FSTL5: variants seen among roughly 807,000 people sequenced by gnomAD.
FSTL5 encodes the protein follistatin like 5, also known as follistatin-related protein 5.
In FSTL5, 62 loss-of-function variants were observed where a neutral mutation model predicts 89.1. The ratio of observed to expected loss-of-function variants is 0.70; its 90% CI spans 0.57 to 0.86. The LOEUF is 0.86. Ranked by LOEUF, FSTL5 falls within the 40% of genes least tolerant of loss-of-function variation. The pLI is 0.00. For synonymous variants in FSTL5, 383 were observed against 346.2 expected (o/e 1.11, Z -1.18); for missense variants, 1,057 against 1,001.6 (o/e 1.06, Z -0.75).
intron 2 of FSTL5, among the ~76,000 whole-genome samples, chr4:162,058,661 T>C (rs1738631509): frequency 1.3e-5 from 2 of 152,020 alleles, no homozygotes; most frequent in South Asian, 4.1e-4. Flanking sequence ...ACTTCTGACC[T>C]CAAGTGATAT....
chr4:161,980,764 C>CGTT (rs1735803526), intron 3 of FSTL5, among the ~76,000 whole-genome samples: 1 of 71,828 alleles, frequency 1.4e-5, no homozygotes, highest in East Asian at 4.9e-4. Context: ...CTTCAAGTAA[C>CGTT]TTTTTTTTTT....
chr4:161,597,590 G>C (rs1734065505), intron 7 of FSTL5, among the ~76,000 whole-genome samples: 1 of 151,642 alleles, frequency 6.6e-6, no homozygotes, highest in African/African-American at 2.4e-5. Flanking sequence ...TGACAAACCT[G>C]CACGTTGTGC....
intron 3 of FSTL5, among the ~76,000 whole-genome samples, chr4:161,948,485 CT>C (rs35577056): frequency 5.3e-5 from 6 of 114,102 alleles, no homozygotes; most frequent in East Asian, 5.0e-4. Context: ...TCTTTTCTTT[CT>C]TTTTTTTTTT....
At chr4:161,914,538 G>A (rs1193151448) in intron 4 of FSTL5, among the ~76,000 whole-genome samples, 1 of 151,992 alleles carries the variant, frequency 6.6e-6, no homozygotes, top group Non-Finnish European at 1.5e-5. Context: ...AAATTAACCT[G>A]CATAAATCAT....
At chr4:162,104,580 A>G (rs74923289) in intron 2 of FSTL5, among the ~76,000 whole-genome samples, 3,466 of 152,284 alleles carry the variant, frequency 0.023, 123 homozygotes, top group African/African-American at 0.077. Flanking sequence ...CTCGTGTAAC[A>G]TACTCTATGG....
At chr4:161,724,827 T>C (rs1294503558) in intron 6 of FSTL5, among the ~76,000 whole-genome samples, 1 of 152,194 alleles carries the variant, frequency 6.6e-6, no homozygotes, top group Admixed American at 6.5e-5. Flanking sequence ...AAGTACTCAA[T>C]GCAAAAATCA....
At chr4:161,596,247 T>C (rs887970072) in intron 7 of FSTL5, among the ~76,000 whole-genome samples, 1 of 151,818 alleles carries the variant, frequency 6.6e-6, no homozygotes, top group Non-Finnish European at 1.5e-5. Context: ...ATATGTTTAA[T>C]TTGGTAAATA....
At chr4:161,386,638 T>G (rs1303880325) in intron 15 of FSTL5, 189 bp from the exon 16 acceptor site, 7 of 560,144 alleles carry the variant, frequency 1.2e-5, no homozygotes, top group Admixed American at 1.0e-4. Context: ...GGTCATTCTT[T>G]CATTACATCC....
At chr4:161,894,273 T>C (rs893156372) in intron 4 of FSTL5, among the ~76,000 whole-genome samples, 1 of 152,086 alleles carries the variant, frequency 6.6e-6, no homozygotes, top group Non-Finnish European at 1.5e-5. Context: ...GTATTAGTCC[T>C]GGCATGAAAA....
intron 11 of FSTL5, among the ~76,000 whole-genome samples, chr4:161,503,291 C>G (rs895625997): frequency 6.6e-6 from 1 of 151,668 alleles, no homozygotes; most frequent in African/African-American, 2.4e-5. Context: ...TATAACACTA[C>G]TGAAAAAAGC....
chr4:161,573,968 C>G (rs904353361), intron 8 of FSTL5, among the ~76,000 whole-genome samples: 1 of 152,166 alleles, frequency 6.6e-6, no homozygotes, highest in East Asian at 1.9e-4. Context: ...GGAGAGTACA[C>G]GGGATAATCC....
chr4:161,638,231 G>T (rs1052699735), intron 7 of FSTL5, among the ~76,000 whole-genome samples: 4 of 151,656 alleles, frequency 2.6e-5, no homozygotes, highest in Non-Finnish European at 5.9e-5. Flanking sequence ...AAGCAATTGT[G>T]AACGGGAGTT....
chr4:161,398,270 C>T (rs1731070019), intron 15 of FSTL5, among the ~76,000 whole-genome samples: 1 of 151,980 alleles, frequency 6.6e-6, no homozygotes, highest in Admixed American at 6.6e-5. Flanking sequence ...AAACATTAGA[C>T]AAGTGCTTAA....
chr4:161,788,947 AAGTT>A (rs1363329252), intron 4 of FSTL5, among the ~76,000 whole-genome samples: 1 of 152,164 alleles, frequency 6.6e-6, no homozygotes, highest in African/African-American at 2.4e-5. Flanking sequence ...TGGATTTCAA[AAGTT>A]TCTGAGGAAA....
chr4:161,804,289 C>A (rs35130889), intron 4 of FSTL5, among the ~76,000 whole-genome samples: 1 of 151,736 alleles, frequency 6.6e-6, no homozygotes. Context: ...GCCTGTCTGC[C>A]ATGTAATATA....
chr4:161,745,272 G>A (rs1246786035), intron 6 of FSTL5, among the ~76,000 whole-genome samples: 1 of 151,896 alleles, frequency 6.6e-6, no homozygotes, highest in African/African-American at 2.4e-5. Context: ...CACCTCAAAG[G>A]ATTAGAAAAC....
chr4:161,738,059 A>G (rs942971468), intron 6 of FSTL5, among the ~76,000 whole-genome samples: 1 of 152,084 alleles, frequency 6.6e-6, no homozygotes, highest in African/African-American at 2.4e-5. Flanking sequence ...CCGAGTGATT[A>G]TATATACAAT....
chr4:161,453,765 T>C (rs931720805), intron 15 of FSTL5, among the ~76,000 whole-genome samples: 3 of 152,032 alleles, frequency 2.0e-5, no homozygotes, highest in African/African-American at 4.8e-5. Flanking sequence ...GGCTAATTTT[T>C]GTAATTTTAA....
chr4:161,872,709 G>C (rs1732313610), intron 4 of FSTL5, among the ~76,000 whole-genome samples: 1 of 152,136 alleles, frequency 6.6e-6, no homozygotes, highest in South Asian at 2.1e-4. Flanking sequence ...GCTGAGACCA[G>C]CTTAGTAGCC....
Sources: allele counts gnomAD v4.1 joint callset (sites outside exome capture counted in the v4.1 genomes callset), GRCh38; gene constraint gnomAD v4.1.1; transcripts MANE v1.5; gene names NCBI Gene and HGNC (gene_info 2026-07-23, HGNC 2026-07-21).